The following SSX3 variants were observed in gnomAD, a reference collection of about 807,000 sequenced individuals.
SSX3 encodes protein SSX3.
SSX3 carries 6 observed loss-of-function variants against 14.8 expected under a neutral mutation model. The observed-to-expected ratio is 0.41, with a 90% confidence interval of 0.22 to 0.80. The LOEUF is 0.80. Among genes scored for constraint, SSX3 ranks in the 30% least tolerant of loss-of-function variants. The pLI, the probability that SSX3 is intolerant of heterozygous loss-of-function variation, is 0.34. For missense variants in SSX3, 163 were observed against 152.2 expected, an observed-to-expected ratio of 1.07 and a Z score of -0.37; for synonymous variants, 55 against 52.9, an observed-to-expected ratio of 1.04 and a Z score of -0.18.
chrX:48,347,746 G>C (rs1264749858), intron 6 of SSX3, 142 bp from the exon 7 acceptor site: 18 of 1,043,981 alleles, frequency 1.7e-5, no homozygotes, highest in Middle Eastern at 3.8e-4. Flanking sequence ...CTCTGGCTTA[G>C]AGAGGCTGAG....
intron 6 of SSX3, among the ~76,000 whole-genome samples, 189 bp from the exon 7 acceptor site, chrX:48,347,793 T>G (rs1556948834): frequency 8.9e-6 from 1 of 112,236 alleles, no homozygotes; most frequent in Non-Finnish European, 1.9e-5. Flanking sequence ...AAATGCCAAT[T>G]AAAGTTTTAG....
Position 48,352,162 on chromosome X carries a change from A to T in SSX3, c.281-13T>A. On this transcript the variant is annotated splice_polypyrimidine_tract_variant and intron_variant, in intron 4 of 7. Coordinates refer to ENST00000298396, the MANE Select transcript of SSX3 (RefSeq NM_021014.4). ...TGAGGACGTTGAACTGAAAGAGAAT[A>T]CATCAGAATTTTTCATTGTTGGTAA... The T allele has an allele frequency of 8.3e-7, 1 of 1,206,575 alleles. No individual in the cohort carries two copies. Among genetic ancestry groups the T allele is most frequent in the East Asian group, 3.0e-5 (1 of 33,805 alleles).
chrX:48,348,853 A>T (rs1556949028), intron 6 of SSX3, among the ~76,000 whole-genome samples: 1 of 112,432 alleles, frequency 8.9e-6, no homozygotes, highest in Non-Finnish European at 1.9e-5. Context: ...GAGCAAGACC[A>T]GAACTCTCTT....
rs1311403531 is a variant in SSX3 at position 48,349,590 on chromosome X, G to A, written c.466+397C>T. Reference sequence around the variant, plus strand: ...CCTGCAGTATCTCTGAAGGACACCTGTATTGGGTAACAGGCATTGAGCTGA... The same window carrying A: ...CCTGCAGTATCTCTGAAGGACACCTATATTGGGTAACAGGCATTGAGCTGA... On this transcript the variant is annotated intron_variant, in intron 6 of 7. Coordinates refer to ENST00000298396, the MANE Select transcript of SSX3 (RefSeq NM_021014.4). 4 of 1,208,020 alleles carry A rather than the reference G, an allele frequency of 3.3e-6. No homozygotes were observed. In the African/African-American group the frequency reaches 7.0e-5, roughly 21 times the overall value.
In SSX3 at chrX:48,346,970, T is replaced by C. The variant is rs1311325597; in HGVS notation, c.*70A>G. ...CCTGATGACGAGGGGTCCACAGCCA[T>C]GCCCATGTTCGTGAAAGGTCACCAC... On this transcript the variant is annotated 3_prime_UTR_variant, in exon 8 of 8. Transcript: ENST00000298396. 9 of 1,197,858 alleles carry C rather than the reference T, an allele frequency of 7.5e-6. No homozygotes were observed. Among genetic ancestry groups the C allele is most frequent in the East Asian group, 3.0e-5 (1 of 33,836 alleles).
intron 5 of SSX3, among the ~76,000 whole-genome samples, chrX:48,350,480 A>G (rs2061257282): frequency 8.9e-6 from 1 of 111,778 alleles, no homozygotes; most frequent in Non-Finnish European, 1.9e-5. Flanking sequence ...GTAAAATACA[A>G]GGGATCCCAT....
Position 48,354,650 on chromosome X carries a change from C to T in SSX3, c.166G>A (p.Glu56Lys). Residue 56 changes from glutamate (E) to lysine (K), a missense_variant, in exon 3 of 8, where the codon GAG becomes AAG. Transcript: ENST00000298396. ...CTGTTACCTAGTTTAGTCATGGCCT[C>T]ATACTTTCTCTTCATATACACATAG... ...IVYVYMKRKYEAMTKLGFKAI... is the reference protein window; with the variant it reads ...IVYVYMKRKYKAMTKLGFKAI... The T allele has an allele frequency of 8.3e-7, 1 of 1,206,508 alleles. No homozygotes were observed. The highest frequency in any genetic ancestry group is 1.1e-6 in the Non-Finnish European group (1 of 892,050).
At position 48,355,179 on chromosome X, in the gene SSX3, A is replaced by G. The variant is rs1556950770; in HGVS notation, c.69+2T>C. 1 of 1,210,319 alleles carries G rather than the reference A, an allele frequency of 8.3e-7. No individual in the cohort carries two copies. Among genetic ancestry groups the G allele is most frequent in the Non-Finnish European group, 1.1e-6 (1 of 894,556 alleles). On this transcript the variant is annotated splice_donor_variant, in intron 2 of 7. Coordinates refer to ENST00000298396, the MANE Select transcript of SSX3 (RefSeq NM_021014.4). LOFTEE classifies it high-confidence loss of function. ...TACTCTGCTCCCTCTAGGTCACCTCACCTTTTGTATCTTCTCTGGTATTTG... is the reference window on the plus strand; with the variant it reads ...TACTCTGCTCCCTCTAGGTCACCTCGCCTTTTGTATCTTCTCTGGTATTTG...
rs782342000 is a variant in SSX3 at position 48,350,450 on chromosome X, C to A, written c.331-328G>T. 3.5e-4 allele frequency among the ~76,000 whole-genome samples: 39 copies of A among 111,218 alleles called. 1 individual carries two copies. The highest frequency in any genetic ancestry group is 5.1e-4 in the Non-Finnish European group (27 of 53,105). ...GTAGCATTCTAAGAATTCACAAGGT[C>A]TACAAAGGGAAGAGGTTCTGTAAAA... On this transcript the variant is annotated intron_variant, in intron 5 of 7. Coordinates refer to ENST00000298396, the MANE Select transcript of SSX3 (RefSeq NM_021014.4).
chrX:48,354,303 A>G (rs1490120585), intron 3 of SSX3, among the ~76,000 whole-genome samples: 1 of 106,359 alleles, frequency 9.4e-6, no homozygotes, highest in African/African-American at 3.4e-5. Flanking sequence ...AAAAAAAAAG[A>G]AAGAGACAAG....
In SSX3 at chrX:48,354,687, C is replaced by T. The variant is rs782595527; in HGVS notation, c.129G>A (p.Ser43=). ...SKEEWEKMKV[S]EKIVYVYMKR... ...TCATATACACATAGACGATTTTCTC[C>T]GAGACTTTCATCTTTTCCCACTCTT... is the stretch of plus-strand genomic sequence containing the variant. The change falls in exon 3 of 8, where the codon TCG becomes TCA. Residue 43 remains serine, a synonymous_variant. Transcript: ENST00000298396. 37 of 1,206,159 alleles carry T rather than the reference C, an allele frequency of 3.1e-5. 1 individual carries two copies. The South Asian group carries it at 5.1e-4, about 17-fold the overall frequency.
At chrX:48,352,316 T>C (rs1601984110) in intron 4 of SSX3, 167 bp from the exon 5 acceptor site, 1 of 594,065 alleles carries the variant, frequency 1.7e-6, no homozygotes, top group East Asian at 3.7e-5. Context: ...GGTTGATGCA[T>C]TTATCTGTGG....
intron 7 of SSX3, 68 bp downstream of exon 7, chrX:48,347,432 G>A: frequency 8.4e-7 from 1 of 1,191,818 alleles, no homozygotes; most frequent in Non-Finnish European, 1.1e-6. Flanking sequence ...GTGACAGATG[G>A]GATGCCAGTA....
chrX:48,354,832 T>A (rs2061279417), intron 2 of SSX3, 86 bp from the exon 3 acceptor site: 1 of 1,196,891 alleles, frequency 8.4e-7, no homozygotes. Context: ...GTGTGCTGGA[T>A]CTGGGAAGTG....
intron 2 of SSX3, 25 bp downstream of exon 2, chrX:48,355,156 C>T: frequency 8.3e-7 from 1 of 1,208,056 alleles, no homozygotes; most frequent in Non-Finnish European, 1.1e-6. Flanking sequence ...TGGGTCACTA[C>T]TCTGCTCCCT....
rs369319924 is a variant in SSX3 at position 48,352,103 on chromosome X, C to T, written c.327G>A (p.Pro109=). The change falls in exon 5 of 8, where the codon CCG becomes CCA. Residue 109 remains proline (P), a synonymous_variant. Transcript: ENST00000298396. ...TTTAGATCTGAAAGATACTCACCTT[C>T]GGGAAGATTCCCTGGAGCCTGCCGA... The part of the protein sequence containing the change: ...MTFGRLQGIF[P]KIMPKKPAEE... The T allele has an allele frequency of 7.5e-6, 9 of 1,207,612 alleles. No individual in the cohort carries two copies. Among genetic ancestry groups the T allele is most frequent in the East Asian group, 3.0e-5 (1 of 33,728 alleles).
Position 48,346,898 on chromosome X carries a change from C to A in SSX3, c.*142G>T, listed in dbSNP as rs782348617. 2 of 1,057,940 alleles carry A rather than the reference C, an allele frequency of 1.9e-6. No homozygotes were observed. Among genetic ancestry groups the A allele is most frequent in the South Asian group, 1.9e-5 (1 of 53,249 alleles). The allele number at this position is 1,057,940 out of a possible 1,213,427, so 87.2% of individuals were successfully genotyped here. On this transcript the variant is annotated 3_prime_UTR_variant, in exon 8 of 8. Coordinates refer to ENST00000298396, the MANE Select transcript of SSX3 (RefSeq NM_021014.4). The stretch of plus-strand genomic sequence containing the variant: ...ACTCTTGGCACACTAAGAAAAATGA[C>A]GCTCAACTTTTCACTGTTGTGAACA...
intron 4 of SSX3, among the ~76,000 whole-genome samples, chrX:48,352,479 C>T (rs1484095012): frequency 8.9e-6 from 1 of 112,610 alleles, no homozygotes; most frequent in East Asian, 2.8e-4. Context: ...AGATGTGCAA[C>T]AACTGAAAAT....
At chrX:48,351,672 A>G (rs1556949911) in intron 5 of SSX3, among the ~76,000 whole-genome samples, 1 of 112,329 alleles carries the variant, frequency 8.9e-6, no homozygotes, top group African/African-American at 3.2e-5. Flanking sequence ...TTTTATTATT[A>G]TGTTGCTGAT....
Sources: gnomAD v4.1 joint callset for allele counts (sites outside exome capture counted in the v4.1 genomes callset) on GRCh38, gnomAD v4.1.1 for gene constraint, MANE v1.5 for transcripts, NCBI Gene and HGNC (gene_info 2026-07-23, HGNC 2026-07-21) for gene names.